TRAK1: variants seen among roughly 807,000 people sequenced by gnomAD.
TRAK1 encodes trafficking kinesin-binding protein 1.
In TRAK1, 33 loss-of-function variants were observed where a neutral mutation model predicts 92.1. The observed-to-expected ratio is 0.36, with a 90% CI of 0.27 to 0.48. The LOEUF (loss-of-function observed/expected upper bound fraction) is 0.48, where lower values mean the gene tolerates loss of function less well. Among genes scored for constraint, TRAK1 ranks in the 20% least tolerant of loss-of-function variants. TRAK1 has a pLI of 0.99. For missense variants in TRAK1, 1,123 were observed against 1,257.9 expected (o/e 0.89, Z 1.62); for synonymous variants, 521 against 517.3 (o/e 1.01, Z -0.10).
chr3:42,019,661 T>C (rs1039270537), intron 1 of TRAK1, among the ~76,000 whole-genome samples: 4 of 152,176 alleles, frequency 2.6e-5, no homozygotes, highest in Admixed American at 1.3e-4. Flanking sequence ...TTTTGCAAAA[T>C]GTAGAACATA....
chr3:42,028,143 C>T (rs2148888421), intron 1 of TRAK1, among the ~76,000 whole-genome samples: 1 of 152,270 alleles, frequency 6.6e-6, no homozygotes, highest in Non-Finnish European at 1.5e-5. Context: ...GAGCCACCAC[C>T]CCCGGCCACA....
chr3:42,017,665 T>A (rs1701575787), intron 1 of TRAK1, among the ~76,000 whole-genome samples: 1 of 152,168 alleles, frequency 6.6e-6, no homozygotes, highest in African/African-American at 2.4e-5. Context: ...ATACCAATGA[T>A]GTTGAGCTGC....
At chr3:42,029,326 C>A (rs565241912) in intron 1 of TRAK1, among the ~76,000 whole-genome samples, 4 of 152,172 alleles carry the variant, frequency 2.6e-5, no homozygotes, top group African/African-American at 9.7e-5. Flanking sequence ...GGAGCATCAA[C>A]CTTCTGGGCT....
At chr3:42,219,624 A>G (rs893375663) in intron 15 of TRAK1, 28 bp downstream of exon 15, 144 of 692,874 alleles carry the variant, frequency 2.1e-4, no homozygotes, top group Non-Finnish European at 3.0e-4. Context: ...TGGGGTGGGC[A>G]GGGGTGGGGT....
intron 1 of TRAK1, among the ~76,000 whole-genome samples, chr3:42,064,306 A>G (rs944300172): frequency 2.0e-5 from 3 of 152,166 alleles, no homozygotes; most frequent in African/African-American, 7.2e-5. Context: ...TCTACCAAAA[A>G]TACAAAAATT....
chr3:42,118,545 C>T (rs551243407), intron 1 of TRAK1, among the ~76,000 whole-genome samples: 15 of 152,322 alleles, frequency 9.8e-5, no homozygotes, highest in East Asian at 1.9e-4. Context: ...AATCCCTAGA[C>T]GGAGGAGTCT....
intron 1 of TRAK1, among the ~76,000 whole-genome samples, chr3:42,044,027 G>C (rs1033398998): frequency 1.3e-5 from 2 of 152,220 alleles, no homozygotes; most frequent in Non-Finnish European, 2.9e-5. Flanking sequence ...CTGGGCAGAA[G>C]CCCAGCTTTC....
intron 1 of TRAK1, among the ~76,000 whole-genome samples, chr3:42,101,927 A>G (rs1234836862): frequency 6.6e-6 from 1 of 152,220 alleles, no homozygotes; most frequent in Non-Finnish European, 1.5e-5. Context: ...CAGTCGTTTC[A>G]GGTCATTGAA....
intron 1 of TRAK1, among the ~76,000 whole-genome samples, chr3:42,037,531 T>G (rs1198454749): frequency 6.6e-6 from 1 of 152,236 alleles, no homozygotes; most frequent in Non-Finnish European, 1.5e-5. Context: ...TACAGTCTGG[T>G]ACTATAGACA....
At chr3:42,109,811 A>G (rs548047392) in intron 1 of TRAK1, among the ~76,000 whole-genome samples, 22 of 152,130 alleles carry the variant, frequency 1.4e-4, no homozygotes, top group Non-Finnish European at 2.5e-4. Flanking sequence ...AGGGACATGG[A>G]TGAAGCTGGA....
At chr3:42,121,347 C>A (rs1305739946) in intron 1 of TRAK1, among the ~76,000 whole-genome samples, 1 of 151,522 alleles carries the variant, frequency 6.6e-6, no homozygotes, top group East Asian at 1.9e-4. Flanking sequence ...GCAAGCTCCG[C>A]CTCCGGGGTT....
chr3:42,102,091 T>C (rs1706846765), intron 1 of TRAK1, among the ~76,000 whole-genome samples: 1 of 152,224 alleles, frequency 6.6e-6, no homozygotes, highest in South Asian at 2.1e-4. Context: ...GTTCAAGCGA[T>C]TCTCCTGCCT....
chr3:42,185,735 G>A (rs1312408351), intron 4 of TRAK1, among the ~76,000 whole-genome samples: 2 of 147,836 alleles, frequency 1.4e-5, no homozygotes, highest in South Asian at 2.1e-4. Context: ...GCAGTGGTGC[G>A]ATCCCAGCTC....
intron 1 of TRAK1, among the ~76,000 whole-genome samples, chr3:42,081,857 G>C (rs1040893010): frequency 6.6e-6 from 1 of 152,224 alleles, no homozygotes; most frequent in Non-Finnish European, 1.5e-5. Flanking sequence ...CAGTAGTTTG[G>C]ATGTGCCATA....
rs1559755696 is a variant in TRAK1, at chr3:42,093,669, C to CCCTTCCCTTCCCTTCCCTTCCCTTCCCTT, written c.91+2111_91+2112insTTCCCTTCCCTTCCCTTCCCTTCCCTTCC. 1.9e-4 allele frequency among the ~76,000 whole-genome samples: 2 copies of CCCTTCCCTTCCCTTCCCTTCCCTTCCCTT among 10,462 alleles called. 1 individual carries two copies. Among genetic ancestry groups the CCCTTCCCTTCCCTTCCCTTCCCTTCCCTT allele is most frequent in the Non-Finnish European group, 3.1e-4 (2 of 6,426 alleles). The allele number at this position is 10,462 out of a possible 152,430, so 6.9% of individuals were successfully genotyped here. On this transcript the variant is annotated intron_variant, in intron 1 of 15. Coordinates refer to ENST00000327628, the MANE Select transcript of TRAK1 (RefSeq NM_001042646.3). ...TTTCTCCCCTTCCCTTCCCTTCCCT[C>CCCTTCCCTTCCCTTCCCTTCCCTTCCCTT]CCCTCCCCTCCCCTCCCCTCCCCTC...
chr3:42,205,408 T>C (rs1318025742), intron 13 of TRAK1, among the ~76,000 whole-genome samples: 1 of 152,210 alleles, frequency 6.6e-6, no homozygotes, highest in Non-Finnish European at 1.5e-5. Flanking sequence ...TCCATCTGGC[T>C]CCGTTACCTG....
chr3:42,110,255 C>T (rs897277555), intron 1 of TRAK1, among the ~76,000 whole-genome samples: 14 of 151,440 alleles, frequency 9.2e-5, no homozygotes, highest in South Asian at 6.3e-4. Context: ...GGGCAGTTCC[C>T]GGCTGTGGCT....
intron 3 of TRAK1, among the ~76,000 whole-genome samples, chr3:42,180,976 A>G (rs1559884698): frequency 6.6e-6 from 1 of 152,164 alleles, no homozygotes; most frequent in East Asian, 1.9e-4. Flanking sequence ...AGACCAGGGA[A>G]GTGTTTGTCC....
intron 4 of TRAK1, among the ~76,000 whole-genome samples, chr3:42,186,692 T>C (rs1020524817): frequency 6.6e-6 from 1 of 152,196 alleles, no homozygotes; most frequent in Non-Finnish European, 1.5e-5. Context: ...CTGTTCTTGC[T>C]TGGGACAAGC....
Sources: allele counts gnomAD v4.1 joint callset (sites outside exome capture counted in the v4.1 genomes callset), GRCh38; gene constraint gnomAD v4.1.1; transcripts MANE v1.5; gene names NCBI Gene and HGNC (gene_info 2026-07-23, HGNC 2026-07-21).